CRTAC1: variants seen among roughly 807,000 people sequenced by gnomAD.
The protein encoded by CRTAC1 is cartilage acidic protein 1.
In CRTAC1, 37 loss-of-function variants were observed where a neutral mutation model predicts 67.8. That is an observed-to-expected ratio of 0.55 (90% confidence interval 0.42 to 0.72). CRTAC1 has a LOEUF of 0.72. Among genes scored for constraint, CRTAC1 ranks in the 30% least tolerant of loss-of-function variants. The probability of loss-of-function intolerance (pLI) is 0.00; values close to 1 mark genes in which losing one functional copy is unlikely to be tolerated. For missense variants in CRTAC1, 780 were observed against 931.6 expected, an observed-to-expected ratio of 0.84 and a Z score of 2.12; for synonymous variants, 348 against 371.0, an observed-to-expected ratio of 0.94 and a Z score of 0.71.
intron 11 of CRTAC1, among the ~76,000 whole-genome samples, chr10:97,892,754 T>C (rs761076824): frequency 2.0e-5 from 3 of 152,356 alleles, no homozygotes; most frequent in Non-Finnish European, 4.4e-5. Flanking sequence ...ATTTAAAAGG[T>C]ATCTTGTGCC....
intron 6 of CRTAC1, among the ~76,000 whole-genome samples, chr10:97,907,165 G>A (rs1289111488): frequency 1.3e-5 from 2 of 152,208 alleles, no homozygotes; most frequent in African/African-American, 2.4e-5. Flanking sequence ...GAATAGAACC[G>A]TGACCCGGTC....
chr10:97,913,267 TC>T (rs1285735308), intron 5 of CRTAC1, among the ~76,000 whole-genome samples: 2 of 152,150 alleles, frequency 1.3e-5, no homozygotes, highest in Non-Finnish European at 2.9e-5. Context: ...GTGTTGCCAC[TC>T]CCAAGCCTTC....
intron 1 of CRTAC1, among the ~76,000 whole-genome samples, chr10:98,024,408 C>A (rs929674629): frequency 1.1e-4 from 16 of 152,176 alleles, no homozygotes; most frequent in African/African-American, 3.9e-4. Flanking sequence ...ACCTTCCCAT[C>A]CCTCGTTGAA....
chr10:97,952,538 C>CAAAAAAAAAAAAAA (rs397844653), intron 2 of CRTAC1, among the ~76,000 whole-genome samples: 3 of 64,218 alleles, frequency 4.7e-5, no homozygotes, highest in African/African-American at 2.0e-4. Flanking sequence ...AATTCCATCT[C>CAAAAAAAAAAAAAA]AAAAAAAAAA....
chr10:97,892,467 C>T (rs1025293253), intron 11 of CRTAC1, among the ~76,000 whole-genome samples: 3 of 152,216 alleles, frequency 2.0e-5, no homozygotes, highest in Admixed American at 1.3e-4. Flanking sequence ...AAAGCAGCTA[C>T]CAGAGGTGTT....
intron 7 of CRTAC1, 71 bp from the exon 8 acceptor site, chr10:97,901,710 G>A: frequency 6.4e-7 from 1 of 1,567,128 alleles, no homozygotes; most frequent in Non-Finnish European, 8.7e-7. Flanking sequence ...CTCCTCTATG[G>A]AGTGTGGGGG....
At chr10:97,946,790 C>A (rs1285213647) in intron 2 of CRTAC1, among the ~76,000 whole-genome samples, 1 of 152,062 alleles carries the variant, frequency 6.6e-6, no homozygotes, top group Non-Finnish European at 1.5e-5. Flanking sequence ...TCTCAAGGGC[C>A]CCCTATTCCC....
Position 97,865,392 on chromosome 10 carries a change from G to T in CRTAC1, c.*156C>A, listed in dbSNP as rs1391946484. 7 of 887,274 alleles carry T rather than the reference G, an allele frequency of 7.9e-6. No homozygotes were observed. The highest frequency in any genetic ancestry group is 1.2e-5 in the Non-Finnish European group (7 of 608,292). The allele number at this position is 887,274 out of a possible 1,614,324, so 55.0% of individuals were successfully genotyped here. On this transcript the variant is annotated 3_prime_UTR_variant, in exon 15 of 15. Transcript: ENST00000370597. ...TGCCCAGCACAGGGCCTGGCCTTAC[G>T]AGTCTCCCTAATTGTTAGCTAAGTA... is the stretch of plus-strand genomic sequence containing the variant.
Position 97,884,337 on chromosome 10 carries a change from T to G in CRTAC1, c.1501A>C (p.Ser501Arg). The G allele has an allele frequency of 6.4e-7, 1 of 1,551,630 alleles. No individual in the cohort carries two copies. Among genetic ancestry groups the G allele is most frequent in the South Asian group, 1.2e-5 (1 of 84,046 alleles). The change falls in exon 12 of 15, where the codon AGC becomes CGC. Residue 501 changes from serine to arginine, a missense_variant. Coordinates refer to ENST00000370597, the MANE Select transcript of CRTAC1 (RefSeq NM_018058.7). ...TCTGGCCACGTCACCTCCACACTGC[T>G]GGCTTCATCCTTCCCTGAGGGGCAG... ...AHFGLGKDEA[S>R]SVEVTWPDGK...
chr10:97,884,446 G>C, intron 11 of CRTAC1, 95 bp from the exon 12 acceptor site: 4 of 1,191,154 alleles, frequency 3.4e-6, no homozygotes, highest in Non-Finnish European at 4.8e-6. Flanking sequence ...TTGAATAAAA[G>C]CATGAATTGA....
intron 6 of CRTAC1, among the ~76,000 whole-genome samples, chr10:97,907,172 G>A (rs1315144965): frequency 1.3e-5 from 2 of 152,194 alleles, no homozygotes; most frequent in Admixed American, 6.5e-5. Context: ...ACCGTGACCC[G>A]GTCCTTGTAA....
intron 2 of CRTAC1, among the ~76,000 whole-genome samples, chr10:98,008,371 C>T (rs1292211331): frequency 6.7e-6 from 1 of 149,602 alleles, no homozygotes; most frequent in African/African-American, 2.5e-5. Flanking sequence ...CCCTTCGCAC[C>T]CTTTCTTTCC....
At chr10:98,024,795 C>CCACA (rs112213274) in intron 1 of CRTAC1, among the ~76,000 whole-genome samples, 88 of 118,530 alleles carry the variant, frequency 7.4e-4, no homozygotes, top group African/African-American at 1.6e-3. Context: ...CACCTCTCCA[C>CCACA]CACACACACA....
intron 2 of CRTAC1, among the ~76,000 whole-genome samples, chr10:97,954,856 C>A (rs1436712564): frequency 6.6e-6 from 1 of 152,164 alleles, no homozygotes; most frequent in Non-Finnish European, 1.5e-5. Context: ...GCAGGCATTG[C>A]TTGGCTTATG....
intron 2 of CRTAC1, among the ~76,000 whole-genome samples, chr10:97,983,253 T>C (rs2051926407): frequency 6.6e-6 from 1 of 151,970 alleles, no homozygotes. Flanking sequence ...TTAGAAGTCA[T>C]CCCACTCACC....
chr10:97,988,441 G>C (rs192349621), intron 2 of CRTAC1, among the ~76,000 whole-genome samples: 52 of 152,322 alleles, frequency 3.4e-4, no homozygotes, highest in African/African-American at 1.2e-3. Context: ...TATGATGGTG[G>C]CTGGGTGTGG....
At chr10:97,950,642 A>G (rs1458133477) in intron 2 of CRTAC1, among the ~76,000 whole-genome samples, 3 of 152,210 alleles carry the variant, frequency 2.0e-5, no homozygotes, top group East Asian at 3.8e-4. Context: ...GGGTAGGGCT[A>G]TCATATAAAG....
At chr10:97,887,368 C>T (rs949365687) in intron 11 of CRTAC1, among the ~76,000 whole-genome samples, 2 of 151,846 alleles carry the variant, frequency 1.3e-5, no homozygotes, top group South Asian at 2.1e-4. Context: ...AAAGCTTTCC[C>T]GAGTAGCTGG....
intron 13 of CRTAC1, among the ~76,000 whole-genome samples, chr10:97,882,445 G>T (rs1340450568): frequency 6.6e-6 from 1 of 152,128 alleles, no homozygotes; most frequent in African/African-American, 2.4e-5. Context: ...CTTGCTTGCT[G>T]CTCCACATGG....
Sources: gnomAD v4.1 joint callset for allele counts (sites outside exome capture counted in the v4.1 genomes callset) on GRCh38, gnomAD v4.1.1 for gene constraint, MANE v1.5 for transcripts, NCBI Gene and HGNC (gene_info 2026-07-23, HGNC 2026-07-21) for gene names.